POLA1: variants seen among roughly 807,000 people sequenced by gnomAD.
POLA1 encodes DNA polymerase alpha 1, catalytic subunit.
In POLA1, 15 loss-of-function variants were observed where a neutral mutation model predicts 124.0. That is an observed-to-expected ratio of 0.12 (90% confidence interval 0.08 to 0.19). The LOEUF is 0.19. Ranked by LOEUF, POLA1 falls within the 10% of genes least tolerant of loss-of-function variation. The probability of loss-of-function intolerance (pLI) is 1.00; values close to 1 mark genes in which losing one functional copy is unlikely to be tolerated. For synonymous variants in POLA1, 408 were observed against 389.4 expected, an observed-to-expected ratio of 1.05 and a Z score of -0.56; for missense variants, 886 against 1,103.4, an observed-to-expected ratio of 0.80 and a Z score of 2.79.
At chrX:24,768,439 G>A (rs904707151) in intron 26 of POLA1, among the ~76,000 whole-genome samples, 10 of 112,059 alleles carry the variant, frequency 8.9e-5, no homozygotes, top group Middle Eastern at 4.6e-3. Flanking sequence ...CATGGTTCTG[G>A]AAGATGTCTT....
At chrX:24,752,902 C>T (rs375973138) in intron 26 of POLA1, among the ~76,000 whole-genome samples, 50 of 111,875 alleles carry the variant, frequency 4.5e-4, no homozygotes, top group African/African-American at 1.6e-3. Flanking sequence ...ACATGACTCC[C>T]TCAGTCACAG....
At chrX:24,703,425 T>C (rs1928591797) in intron 3 of POLA1, 78 bp downstream of exon 3, 1 of 683,645 alleles carries the variant, frequency 1.5e-6, no homozygotes. Context: ...TTCTCACTCA[T>C]GTGGTGGAGT....
At chrX:24,867,083 C>T (rs1408918197) in intron 34 of POLA1, among the ~76,000 whole-genome samples, 1 of 89,737 alleles carries the variant, frequency 1.1e-5, no homozygotes, top group African/African-American at 3.8e-5. Context: ...CACAATAAAA[C>T]TTGATTTTTT....
chrX:24,947,897 A>C (rs1317270726), intron 36 of POLA1, among the ~76,000 whole-genome samples: 1 of 112,063 alleles, frequency 8.9e-6, no homozygotes, highest in African/African-American at 3.2e-5. Flanking sequence ...TGCAAGATAT[A>C]CTCTAACAGA....
chrX:24,791,902 T>C (rs2045505365), intron 26 of POLA1, among the ~76,000 whole-genome samples: 1 of 112,118 alleles, frequency 8.9e-6, no homozygotes, highest in Admixed American at 9.4e-5. Flanking sequence ...TTTGGTATTC[T>C]CTATAGTGGG....
intron 36 of POLA1, among the ~76,000 whole-genome samples, chrX:24,933,827 A>G (rs1469346770): frequency 3.5e-5 from 4 of 112,732 alleles, no homozygotes; most frequent in Non-Finnish European, 7.5e-5. Flanking sequence ...TTTACAGACC[A>G]TTAGTCCATA....
chrX:24,801,820 C>A (rs1445666194), intron 26 of POLA1, among the ~76,000 whole-genome samples: 1 of 109,953 alleles, frequency 9.1e-6, no homozygotes, highest in Non-Finnish European at 1.9e-5. Context: ...ATATTGTTTG[C>A]CTGAGGTCAT....
intron 23 of POLA1, among the ~76,000 whole-genome samples, chrX:24,745,205 TC>T (rs1212855083): frequency 9.0e-6 from 1 of 110,685 alleles, no homozygotes; most frequent in African/African-American, 3.3e-5. Context: ...GATCTTTTTC[TC>T]CCTCTTCTTT....
intron 26 of POLA1, among the ~76,000 whole-genome samples, chrX:24,779,602 A>G (rs1338493960): frequency 8.9e-6 from 1 of 112,069 alleles, no homozygotes; most frequent in Non-Finnish European, 1.9e-5. Context: ...CAGGTAAAAG[A>G]ACCTTCTTAA....
intron 36 of POLA1, among the ~76,000 whole-genome samples, chrX:24,980,931 A>G (rs1052690584): frequency 4.5e-5 from 5 of 111,978 alleles, no homozygotes; most frequent in African/African-American, 1.6e-4. Context: ...ATCGGTGGTT[A>G]TTGAAAATGA....
At chrX:24,768,291 C>T (rs1186363807) in intron 26 of POLA1, among the ~76,000 whole-genome samples, 1 of 111,967 alleles carries the variant, frequency 8.9e-6, no homozygotes, top group African/African-American at 3.3e-5. Flanking sequence ...TTAATGTGGC[C>T]TTTGGAACAG....
intron 30 of POLA1, among the ~76,000 whole-genome samples, chrX:24,817,587 G>A (rs1241211727): frequency 5.7e-5 from 5 of 87,179 alleles, no homozygotes; most frequent in African/African-American, 2.4e-4. Flanking sequence ...CAGCATGGGC[G>A]ACAGAGCAAG....
intron 10 of POLA1, among the ~76,000 whole-genome samples, chrX:24,722,744 G>T (rs1316680004): frequency 8.9e-6 from 1 of 111,744 alleles, no homozygotes; most frequent in African/African-American, 3.3e-5. Flanking sequence ...CTTGAGACAG[G>T]GTTTTGCTGT....
At chrX:24,762,067 A>T (rs1203204896) in intron 26 of POLA1, among the ~76,000 whole-genome samples, 1 of 112,298 alleles carries the variant, frequency 8.9e-6, no homozygotes, top group East Asian at 2.8e-4. Flanking sequence ...TGAGCAAGTC[A>T]TCCATTCTGC....
intron 30 of POLA1, among the ~76,000 whole-genome samples, chrX:24,819,461 A>G (rs1047837932): frequency 9.2e-6 from 1 of 109,183 alleles, no homozygotes; most frequent in Admixed American, 9.8e-5. Context: ...TTTGCCCATT[A>G]TTCTTTCAAG....
chrX:24,919,797 TTTTTTTTTTTG>T (rs1283781312), intron 35 of POLA1, among the ~76,000 whole-genome samples: 85 of 61,299 alleles, frequency 1.4e-3, no homozygotes, highest in Middle Eastern at 8.5e-3. Context: ...CCCTCCCCAG[TTTTTTTTTTTG>T]TTTTTTTTTT....
chrX:24,977,981 A>T lies in POLA1; in HGVS notation c.4262-17824A>T, dbSNP rs1485650209. Among the ~76,000 whole-genome samples, 34 of 111,837 alleles carry T rather than the reference A, an allele frequency of 3.0e-4. No individual in the cohort carries two copies. The Admixed American group carries it at 3.2e-3, about 11-fold the overall frequency. On this transcript the variant is annotated intron_variant, in intron 36 of 36. Coordinates refer to ENST00000379068, the MANE Select transcript of POLA1 (RefSeq NM_001330360.2). ...CAGAGATAGCTTGGGGCACCAATTCATGAGCCTTTGGGAGTAAGTCATCTC... is the reference window on the plus strand; with the variant it reads ...CAGAGATAGCTTGGGGCACCAATTCTTGAGCCTTTGGGAGTAAGTCATCTC...
intron 26 of POLA1, among the ~76,000 whole-genome samples, chrX:24,780,345 G>A (rs924390200): frequency 8.9e-5 from 10 of 112,614 alleles, no homozygotes; most frequent in Admixed American, 2.8e-4. Context: ...TAGAAGTGGT[G>A]AGATCAAAAA....
At chrX:24,949,351 C>T (rs1359019221) in intron 36 of POLA1, among the ~76,000 whole-genome samples, 3 of 111,654 alleles carry the variant, frequency 2.7e-5, no homozygotes, top group Non-Finnish European at 3.8e-5. Flanking sequence ...AGTAGGTCAA[C>T]ATTCCTGAAT....
Sources: allele counts gnomAD v4.1 joint callset (sites outside exome capture counted in the v4.1 genomes callset), GRCh38; gene constraint gnomAD v4.1.1; transcripts MANE v1.5; gene names NCBI Gene and HGNC (gene_info 2026-07-23, HGNC 2026-07-21).